The following PAPOLG variants were observed in gnomAD, a reference collection of about 807,000 sequenced individuals.
PAPOLG encodes PAP-gamma.
In PAPOLG, 40 loss-of-function variants were observed where a neutral mutation model predicts 99.0. The ratio of observed to expected loss-of-function variants is 0.40; its 90% CI spans 0.31 to 0.53. The LOEUF is 0.53. Ranked by LOEUF, PAPOLG falls within the 20% of genes least tolerant of loss-of-function variation. The pLI is 0.41. For synonymous variants in PAPOLG, 310 were observed against 299.3 expected, an observed-to-expected ratio of 1.04 and a Z score of -0.37; for missense variants, 675 against 884.1, an observed-to-expected ratio of 0.76 and a Z score of 3.00.
At chr2:60,778,179 C>T (rs911627328) in intron 8 of PAPOLG, among the ~76,000 whole-genome samples, 1 of 152,074 alleles carries the variant, frequency 6.6e-6, no homozygotes, top group Admixed American at 6.6e-5. Flanking sequence ...CAGGGGCTTG[C>T]TGTATCTCCC....
At chr2:60,789,913 A>T (rs1361718239) in intron 15 of PAPOLG, among the ~76,000 whole-genome samples, 1 of 152,166 alleles carries the variant, frequency 6.6e-6, no homozygotes, top group Non-Finnish European at 1.5e-5. Flanking sequence ...AACATGGTGA[A>T]ACCCCACCCA....
In PAPOLG at chr2:60,794,516, A is replaced by G. The variant is rs1193246176; in HGVS notation, c.1990-194A>G. The G allele has an allele frequency of 1.1e-4, 66 of 607,166 alleles. No homozygotes were observed. The East Asian group carries it at 1.8e-3, about 16-fold the overall frequency. 37.6% of individuals were successfully genotyped at this position (607,166 alleles called of 1,614,324 possible). A position where few individuals can be genotyped will look rare whatever the true frequency, so the allele number is the denominator to read the frequency against. On this transcript the variant is annotated intron_variant, in intron 19 of 21. Coordinates refer to ENST00000238714, the MANE Select transcript of PAPOLG (RefSeq NM_022894.4). The stretch of plus-strand genomic sequence containing the variant: ...GTTAGAATCTGAATTGATTTAACCA[A>G]AAAGATCACCCAAACTGTAGAAATT...
chr2:60,778,127 C>T (rs913560101), intron 8 of PAPOLG, among the ~76,000 whole-genome samples: 13 of 151,942 alleles, frequency 8.6e-5, no homozygotes, highest in South Asian at 2.1e-4. Context: ...CACAACAAAA[C>T]GAGGTATGCC....
chr2:60,789,321 A>G (rs1280696907), intron 15 of PAPOLG, among the ~76,000 whole-genome samples: 1 of 151,900 alleles, frequency 6.6e-6, no homozygotes. Flanking sequence ...AAAACTTAAA[A>G]GTATAATAAT....
chr2:60,795,337 G>A, intron 21 of PAPOLG: 1 of 503,134 alleles, frequency 2.0e-6, no homozygotes, highest in South Asian at 1.5e-5. Context: ...GCACCTGGAG[G>A]TATATCTCTG....
At chr2:60,761,867 C>A in intron 3 of PAPOLG, 60 bp downstream of exon 3, 1 of 1,168,798 alleles carries the variant, frequency 8.6e-7, no homozygotes, top group Non-Finnish European at 1.3e-6. Flanking sequence ...TTCATCCTGG[C>A]AATAAGATGC....
intron 21 of PAPOLG, 89 bp downstream of exon 21, chr2:60,795,109 C>A: frequency 1.7e-6 from 2 of 1,162,246 alleles, no homozygotes; most frequent in Non-Finnish European, 2.5e-6. Flanking sequence ...AAGAGCCTAG[C>A]ACTGGGAAAA....
intron 13 of PAPOLG, among the ~76,000 whole-genome samples, chr2:60,784,474 C>T (rs888913493): frequency 6.6e-6 from 1 of 152,252 alleles, no homozygotes; most frequent in African/African-American, 2.4e-5. Context: ...ACTATATTCA[C>T]ATCCTTGGCT....
At chr2:60,777,567 A>C (rs776022419) in intron 8 of PAPOLG, among the ~76,000 whole-genome samples, 25 of 152,166 alleles carry the variant, frequency 1.6e-4, no homozygotes, top group Non-Finnish European at 3.2e-4. Flanking sequence ...TTTCCTTGGC[A>C]TTCACAGCTT....
At chr2:60,756,560 G>A in intron 1 of PAPOLG, 65 bp downstream of exon 1, 1 of 1,513,382 alleles carries the variant, frequency 6.6e-7, no homozygotes. Flanking sequence ...GTCCGACTGT[G>A]TCCTTGTTTC....
intron 15 of PAPOLG, among the ~76,000 whole-genome samples, chr2:60,788,734 G>A (rs939844140): frequency 9.2e-5 from 14 of 152,152 alleles, no homozygotes; most frequent in African/African-American, 3.1e-4. Flanking sequence ...GCTCACAAGT[G>A]CTTGTAATCC....
chr2:60,773,092 T>C (rs767246252), intron 7 of PAPOLG, among the ~76,000 whole-genome samples: 1 of 152,002 alleles, frequency 6.6e-6, no homozygotes, highest in African/African-American at 2.4e-5. Flanking sequence ...GCCTGGCTGA[T>C]CTTTTTGTAT....
At chr2:60,760,420 C>G in intron 2 of PAPOLG, 125 bp downstream of exon 2, 1 of 875,876 alleles carries the variant, frequency 1.1e-6, no homozygotes, top group Non-Finnish European at 1.7e-6. Context: ...AAAATCTTGG[C>G]CCTCTTGGAG....
At chr2:60,793,810 C>A (rs1671614871) in intron 18 of PAPOLG, 95 bp downstream of exon 18, 1 of 1,488,884 alleles carries the variant, frequency 6.7e-7, no homozygotes, top group South Asian at 1.3e-5. Context: ...ACTGGGGAGG[C>A]TAAGGTGGGA....
Position 60,768,848 on chromosome 2 carries a change from T to C in PAPOLG, c.396T>C (p.Phe132=), listed in dbSNP as rs1011687465. 6.2e-7 allele frequency: 1 copy of C among 1,602,984 alleles called. No homozygotes were observed. The highest frequency in any genetic ancestry group is 8.5e-7 in the Non-Finnish European group (1 of 1,173,778). ...HVERSDFFQS[F]FEKLKHQDGI... ...AAAGATCTGATTTTTTTCAGTCTTT[T>C]TTTGAAAAATTGAAACATCAAGATG... The change falls in exon 5 of 22, where the codon TTT becomes TTC. Residue 132 remains phenylalanine, a synonymous_variant. Coordinates refer to ENST00000238714, the MANE Select transcript of PAPOLG (RefSeq NM_022894.4).
At chr2:60,783,265 T>A (rs1247973445) in intron 13 of PAPOLG, 56 bp downstream of exon 13, 4 of 1,039,768 alleles carry the variant, frequency 3.8e-6, no homozygotes, top group Non-Finnish European at 5.7e-6. Context: ...AACTTATTTA[T>A]ATGGTGCTTT....
Position 60,798,595 on chromosome 2 carries a change from G to C in PAPOLG, c.*1435G>C, listed in dbSNP as rs1039158404. On this transcript the variant is annotated 3_prime_UTR_variant, in exon 22 of 22. Coordinates refer to ENST00000238714, the MANE Select transcript of PAPOLG (RefSeq NM_022894.4). The stretch of plus-strand genomic sequence containing the variant: ...TACCACCTTCTTTAGATTTCACTCA[G>C]CATTTAGTAGGTCCAGTAGGAAAAA... The C allele has an allele frequency of 6.6e-6, 1 of 152,326 alleles. No individual in the cohort carries two copies. Among genetic ancestry groups the C allele is most frequent in the East Asian group, 1.9e-4 (1 of 5,346 alleles). The allele number at this position is 152,326 out of a possible 1,614,324, so 9.4% of individuals were successfully genotyped here. A position where few individuals can be genotyped will look rare whatever the true frequency, so the allele number is the denominator to read the frequency against.
At chr2:60,777,437 C>G (rs1671053726) in intron 8 of PAPOLG, among the ~76,000 whole-genome samples, 1 of 152,064 alleles carries the variant, frequency 6.6e-6, no homozygotes, top group African/African-American at 2.4e-5. Flanking sequence ...GCCTGGGCGA[C>G]AGAGCAAGAC....
intron 8 of PAPOLG, among the ~76,000 whole-genome samples, chr2:60,777,059 C>G (rs926069748): frequency 9.9e-5 from 15 of 152,218 alleles, no homozygotes; most frequent in Non-Finnish European, 1.3e-4. Context: ...TCACCTCTCT[C>G]AGCCTTCATA....
Sources: allele counts gnomAD v4.1 joint callset (sites outside exome capture counted in the v4.1 genomes callset), GRCh38; gene constraint gnomAD v4.1.1; transcripts MANE v1.5; gene names NCBI Gene and HGNC (gene_info 2026-07-23, HGNC 2026-07-21).